MACROD2: variants seen among roughly 807,000 people sequenced by gnomAD.
MACROD2 encodes mono-ADP ribosylhydrolase 2, also known as ADP-ribose glycohydrolase MACROD2.
MACROD2 carries 36 observed loss-of-function variants against 70.4 expected under a neutral mutation model. The ratio of observed to expected loss-of-function variants is 0.51; its 90% CI spans 0.39 to 0.68. MACROD2 has a LOEUF of 0.68. MACROD2 is among the 30% of genes least tolerant of loss of function. The pLI, the probability that MACROD2 is intolerant of heterozygous loss-of-function variation, is 0.00. For synonymous variants in MACROD2, 172 were observed against 178.8 expected, an observed-to-expected ratio of 0.96 and a Z score of 0.30; for missense variants, 496 against 538.4, an observed-to-expected ratio of 0.92 and a Z score of 0.78.
rs188556392 is a variant in MACROD2 at position 14,842,564 on chromosome 20, T to G, written c.418+157605T>G. On this transcript the variant is annotated intron_variant, in intron 5 of 17. Coordinates refer to ENST00000684519, the MANE Select transcript of MACROD2 (RefSeq NM_001351661.2). ...TGCTATTAGGCTTTGTAATGTCTTA[T>G]TATTAAGGCAGATATAATAGCTTTA... Among the ~76,000 whole-genome samples the G allele has an allele frequency of 2.1e-3, 319 of 152,250 alleles. 4 individuals are homozygous for G. Among genetic ancestry groups the G allele is most frequent in the African/African-American group, 7.5e-3 (311 of 41,574 alleles).
chr20:15,281,317 A>C (rs1336756549), intron 6 of MACROD2, among the ~76,000 whole-genome samples: 1 of 152,226 alleles, frequency 6.6e-6, no homozygotes, highest in Non-Finnish European at 1.5e-5. Flanking sequence ...ACAGTCCCCC[A>C]AAGTCTCAAC....
At chr20:15,897,830 T>C (rs983934566) in intron 10 of MACROD2, among the ~76,000 whole-genome samples, 2 of 152,230 alleles carry the variant, frequency 1.3e-5, no homozygotes, top group African/African-American at 2.4e-5. Context: ...CTGCAGTTTA[T>C]TGATTCTGCA....
At chr20:14,553,698 G>T (rs1354195390) in intron 4 of MACROD2, among the ~76,000 whole-genome samples, 1 of 152,052 alleles carries the variant, frequency 6.6e-6, no homozygotes, top group African/African-American at 2.4e-5. Context: ...GTCCATCAAT[G>T]ATCAAAATGT....
chr20:14,836,157 C>A (rs771472609), intron 5 of MACROD2, among the ~76,000 whole-genome samples: 1 of 151,908 alleles, frequency 6.6e-6, no homozygotes, highest in Admixed American at 6.6e-5. Flanking sequence ...GGGGTCCGTA[C>A]TCAAAAAAAA....
chr20:15,170,501 A>G (rs799180), intron 5 of MACROD2, among the ~76,000 whole-genome samples: 65,470 of 151,972 alleles, frequency 0.43, 15,817 homozygotes, highest in East Asian at 0.72. Context: ...TGGGCCTGGT[A>G]GTCAGCAGCC....
intron 5 of MACROD2, among the ~76,000 whole-genome samples, chr20:14,790,940 A>G (rs925971443): frequency 5.9e-5 from 9 of 152,046 alleles, no homozygotes; most frequent in African/African-American, 1.9e-4. Flanking sequence ...AGAGAAAAAG[A>G]GAGACCTAAG....
At chr20:14,782,628 T>C (rs1314764993) in intron 5 of MACROD2, among the ~76,000 whole-genome samples, 1 of 152,026 alleles carries the variant, frequency 6.6e-6, no homozygotes, top group African/African-American at 2.4e-5. Context: ...TTCACCTCAA[T>C]TCCTGACAAC....
intron 6 of MACROD2, among the ~76,000 whole-genome samples, chr20:15,299,008 A>G (rs1466249922): frequency 1.3e-5 from 2 of 152,220 alleles, no homozygotes; most frequent in African/African-American, 4.8e-5. Context: ...TCCAAAACCC[A>G]TTATACACCA....
At chr20:14,531,670 A>G (rs1256209091) in intron 4 of MACROD2, among the ~76,000 whole-genome samples, 1 of 152,204 alleles carries the variant, frequency 6.6e-6, no homozygotes, top group Non-Finnish European at 1.5e-5. Flanking sequence ...TTTTGCCTAT[A>G]ATTTTATAGT....
intron 8 of MACROD2, among the ~76,000 whole-genome samples, chr20:15,513,992 A>T (rs992342629): frequency 1.3e-5 from 2 of 152,242 alleles, no homozygotes; most frequent in African/African-American, 2.4e-5. Context: ...GTAACAAAAA[A>T]GTTTTAAAAG....
At chr20:14,033,946 A>G (rs2053276252) in intron 2 of MACROD2, among the ~76,000 whole-genome samples, 1 of 150,772 alleles carries the variant, frequency 6.6e-6, no homozygotes, top group African/African-American at 2.5e-5. Context: ...CTATTGATCT[A>G]CCTCACCTAT....
chr20:14,785,870 C>T (rs1402222164), intron 5 of MACROD2, among the ~76,000 whole-genome samples: 1 of 151,934 alleles, frequency 6.6e-6, no homozygotes, highest in Non-Finnish European at 1.5e-5. Flanking sequence ...CACCATCAAT[C>T]ACCTCTTTGT....
intron 6 of MACROD2, among the ~76,000 whole-genome samples, chr20:15,262,542 C>A (rs2049908336): frequency 6.6e-6 from 1 of 151,992 alleles, no homozygotes; most frequent in South Asian, 2.1e-4. Flanking sequence ...ATACTGATTT[C>A]CTTTCTTTGA....
chr20:14,758,334 G>C (rs753232219), intron 5 of MACROD2, among the ~76,000 whole-genome samples: 2 of 152,028 alleles, frequency 1.3e-5, no homozygotes, highest in Non-Finnish European at 2.9e-5. Context: ...ATTCTGGAAA[G>C]CAGAAGTAAT....
chr20:14,901,102 T>A (rs1413981154), intron 5 of MACROD2, among the ~76,000 whole-genome samples: 1 of 152,090 alleles, frequency 6.6e-6, no homozygotes, highest in East Asian at 1.9e-4. Context: ...AAATGCATTT[T>A]TCATATTTTG....
intron 13 of MACROD2, among the ~76,000 whole-genome samples, chr20:15,969,947 T>G (rs1449097741): frequency 1.3e-5 from 2 of 150,754 alleles, no homozygotes; most frequent in Non-Finnish European, 3.0e-5. Flanking sequence ...ATAAATAATA[T>G]AAATAAATCC....
chr20:14,895,789 G>C (rs1202806410), intron 5 of MACROD2, among the ~76,000 whole-genome samples: 1 of 152,120 alleles, frequency 6.6e-6, no homozygotes, highest in African/African-American at 2.4e-5. Context: ...CTCAGGTTAG[G>C]TTCCTTTCTA....
At chr20:14,388,014 G>GTTTTT (rs11474530) in intron 3 of MACROD2, among the ~76,000 whole-genome samples, 1 of 142,452 alleles carries the variant, frequency 7.0e-6, no homozygotes, top group Non-Finnish European at 1.5e-5. Flanking sequence ...ATGTAAGTAG[G>GTTTTT]TTTTTTTTTT....
At chr20:15,049,950 GAA>G (rs746935083) in intron 5 of MACROD2, among the ~76,000 whole-genome samples, 8 of 124,500 alleles carry the variant, frequency 6.4e-5, no homozygotes, top group Admixed American at 8.4e-5. Flanking sequence ...TCTGTCTCAG[GAA>G]AAAAAAAAAA....
Sources: allele counts gnomAD v4.1 joint callset (sites outside exome capture counted in the v4.1 genomes callset), GRCh38; gene constraint gnomAD v4.1.1; transcripts MANE v1.5; gene names NCBI Gene and HGNC (gene_info 2026-07-23, HGNC 2026-07-21).